Variants in LRRC45 observed in about 807,000 individuals in gnomAD.
The protein encoded by LRRC45 is leucine-rich repeat-containing protein 45.
Under a neutral mutation model 85.4 loss-of-function variants are expected in LRRC45, and 73 were observed. The observed-to-expected ratio is 0.85, with a 90% confidence interval of 0.71 to 1.04. LRRC45 has a LOEUF of 1.04. LRRC45 is among the 50% of genes least tolerant of loss of function. LRRC45 has a pLI of 0.00. For synonymous variants in LRRC45, 429 were observed against 386.0 expected (o/e 1.11, Z -1.31); for missense variants, 937 against 883.3 (o/e 1.06, Z -0.77).
intron 9 of LRRC45, 37 bp downstream of exon 9, chr17:82,028,183 G>A (rs770489710): frequency 6.4e-7 from 1 of 1,560,026 alleles, no homozygotes; most frequent in South Asian, 1.2e-5. Context: ...GGGCCAAGGG[G>A]TGCGTGGCGG....
At chr17:82,023,944 T>A in intron 1 of LRRC45, 81 bp downstream of exon 1, 1 of 1,297,754 alleles carries the variant, frequency 7.7e-7, no homozygotes, top group Non-Finnish European at 1.1e-6. Flanking sequence ...TCGCTTCCTC[T>A]CCAGGCTCTC....
Position 82,023,469 on chromosome 17 carries a change from G to A in LRRC45, c.-175G>A, listed in dbSNP as rs957038659. The A allele has an allele frequency of 1.7e-6, 1 of 595,186 alleles. No individual in the cohort carries two copies. Among genetic ancestry groups the A allele is most frequent in the Non-Finnish European group, 2.9e-6 (1 of 346,916 alleles). The allele number at this position is 595,186 out of a possible 1,614,324, so 36.9% of individuals were successfully genotyped here. A position where few individuals can be genotyped will look rare whatever the true frequency, so the allele number is the denominator to read the frequency against. The stretch of plus-strand genomic sequence containing the variant: ...CAGCCCAAAGCGGACCTTGACTACC[G>A]CCCAGCCCCGCGCTCCCAGGACCTC... On this transcript the variant is annotated 5_prime_UTR_variant, in exon 1 of 17. Coordinates refer to ENST00000306688, the MANE Select transcript of LRRC45 (RefSeq NM_144999.4).
chr17:82,025,492 G>A lies in LRRC45; in HGVS notation c.646G>A (p.Val216Ile), dbSNP rs751519095. 11 of 1,606,386 alleles carry A rather than the reference G, an allele frequency of 6.8e-6. No homozygotes were observed. Among genetic ancestry groups the A allele is most frequent in the Middle Eastern group, 1.6e-4 (1 of 6,066 alleles). ...GGCTGGGAACAACATCCCTGGAGAC[G>A]TCCTCAGAGCCGTGGGTACGGTGCA... The part of the protein sequence containing the change: ...DLAGNNIPGD[V>I]LRAVEQAMGH... Residue 216 changes from valine (V) to isoleucine (I), a missense_variant, in exon 5 of 17, where the codon GTC (valine) becomes ATC (isoleucine). Coordinates refer to ENST00000306688, the MANE Select transcript of LRRC45 (RefSeq NM_144999.4).
In LRRC45 at chr17:82,024,271, T is replaced by C. The variant is rs1333211569; in HGVS notation, c.221-7T>C. ...GCAGAGAGTGACCGCCGGCCCCCCT[T>C]ACACAGGGGCCACACTGCTGCTCCG... On this transcript the variant is annotated splice_region_variant and splice_polypyrimidine_tract_variant and intron_variant, in intron 1 of 16. Coordinates refer to ENST00000306688, the MANE Select transcript of LRRC45 (RefSeq NM_144999.4). 1 of 1,611,616 alleles carries C rather than the reference T, an allele frequency of 6.2e-7. No homozygotes were observed.
chr17:82,024,664 G>C, intron 2 of LRRC45, 29 bp from the exon 3 acceptor site: 1 of 1,563,036 alleles, frequency 6.4e-7, no homozygotes, highest in Non-Finnish European at 8.6e-7. Flanking sequence ...CAGGGCACGC[G>C]AGTGACTACC....
At position 82,027,438 on chromosome 17, in the gene LRRC45, G is replaced by A; in HGVS notation, c.827G>A (p.Ser276Asn). 2 of 1,612,740 alleles carry A rather than the reference G, an allele frequency of 1.2e-6. No individual in the cohort carries two copies. The highest frequency in any genetic ancestry group is 1.7e-6 in the Non-Finnish European group (2 of 1,179,970). Reference sequence around the variant, plus strand: ...AAGCAGCGAGAAGAGATGGCCAAGAGCAGCAGGTGAGCGGGCCCAGGGCAG... The same window carrying A: ...AAGCAGCGAGAAGAGATGGCCAAGAACAGCAGGTGAGCGGGCCCAGGGCAG... ...IDKQREEMAK[S>N]SRASAARVGQ... Residue 276 changes from serine (S) to asparagine (N), a missense_variant, in exon 7 of 17, where the codon AGC becomes AAC. Physicochemically the swap from Ser to Asn is conservative, Grantham distance 46 (BLOSUM62 1). Coordinates refer to ENST00000306688, the MANE Select transcript of LRRC45 (RefSeq NM_144999.4).
Position 82,023,536 on chromosome 17 carries a change from G to A in LRRC45, c.-108G>A. On this transcript the variant is annotated 5_prime_UTR_variant, in exon 1 of 17. Transcript: ENST00000306688. ...CTCGGATTGCTCTCCGCCCGGGTCG[G>A]CGGAGGCCCCGTCTCCTGTACCCGG... is the stretch of plus-strand genomic sequence containing the variant. The A allele has an allele frequency of 9.8e-7, 1 of 1,021,638 alleles. No individual in the cohort carries two copies. The highest frequency in any genetic ancestry group is 1.4e-6 in the Non-Finnish European group (1 of 731,276). The allele number at this position is 1,021,638 out of a possible 1,614,324, so 63.3% of individuals were successfully genotyped here. A position where few individuals can be genotyped will look rare whatever the true frequency, so the allele number is the denominator to read the frequency against.
chr17:82,030,264 C>G (rs966623730), intron 15 of LRRC45, 26 bp downstream of exon 15: 2 of 1,535,332 alleles, frequency 1.3e-6, no homozygotes, highest in Non-Finnish European at 1.8e-6. Context: ...GTGGGGGGCC[C>G]CGGGCGTGCT....
At chr17:82,028,798 G>A in intron 12 of LRRC45, 115 bp downstream of exon 12, 1 of 1,234,280 alleles carries the variant, frequency 8.1e-7, no homozygotes, top group Non-Finnish European at 1.1e-6. Context: ...GTCACTGGGT[G>A]GCCGTATTTT....
Position 82,028,596 on chromosome 17 carries a change from C to T in LRRC45, c.1238-17C>T. On this transcript the variant is annotated splice_polypyrimidine_tract_variant and intron_variant, in intron 11 of 16. Transcript: ENST00000306688. ...CAGGGGATGCTCACGCATACTCTGC[C>T]CACCCTGGGCTTCCAGAGCGCCTGG... 2 of 1,612,694 alleles carry T rather than the reference C, an allele frequency of 1.2e-6. No homozygotes were observed. The highest frequency in any genetic ancestry group is 1.7e-6 in the Non-Finnish European group (2 of 1,179,914).
chr17:82,030,308 G>C lies in LRRC45; in HGVS notation c.1669-11G>C, dbSNP rs745548815. 5.2e-6 allele frequency: 8 copies of C among 1,547,582 alleles called. No homozygotes were observed. In the South Asian group the frequency reaches 9.5e-5, roughly 18 times the overall value. ...ACCCTCGCCTCACTCCCCAGCCTTCGTGCCTGGCAGGAGCTGAGCCTCAAG... is the reference window on the plus strand; with the variant it reads ...ACCCTCGCCTCACTCCCCAGCCTTCCTGCCTGGCAGGAGCTGAGCCTCAAG... On this transcript the variant is annotated splice_polypyrimidine_tract_variant and intron_variant, in intron 15 of 16. Coordinates refer to ENST00000306688, the MANE Select transcript of LRRC45 (RefSeq NM_144999.4).
intron 5 of LRRC45, 133 bp downstream of exon 5, chr17:82,025,640 C>T (rs1465556691): frequency 1.1e-5 from 13 of 1,191,040 alleles, no homozygotes; most frequent in East Asian, 2.8e-5. Flanking sequence ...CAGGAAGGAG[C>T]GGAGGGGTCG....
rs117200853 is a variant in LRRC45, at chr17:82,025,491, C to T, written c.645C>T (p.Asp215=). The change falls in exon 5 of 17, where the codon GAC becomes GAT. Residue 215 remains aspartate (D), a synonymous_variant. Transcript: ENST00000306688. ...TGGCTGGGAACAACATCCCTGGAGA[C>T]GTCCTCAGAGCCGTGGGTACGGTGC... ...LDLAGNNIPG[D]VLRAVEQAMG... 1.5e-3 allele frequency: 2,369 copies of T among 1,606,272 alleles called. 38 individuals carry two copies. The East Asian group carries it at 0.034, about 23-fold the overall frequency.
rs1159283425 is a variant in LRRC45 at position 82,023,349 on chromosome 17, G to C, written c.-295G>C. ...GCCCCGACGCGGCTGTCGCGAGGGC[G>C]GGGGTCGGGGCTGCAGGCGGGGCAG... is the stretch of plus-strand genomic sequence containing the variant. On this transcript the variant is annotated 5_prime_UTR_variant, in exon 1 of 17. Transcript: ENST00000306688. The C allele has an allele frequency of 4.3e-6, 2 of 468,716 alleles. No homozygotes were observed. The highest frequency in any genetic ancestry group is 7.5e-6 in the Non-Finnish European group (2 of 265,984). The allele number at this position is 468,716 out of a possible 1,614,324, so 29.0% of individuals were successfully genotyped here.
intron 5 of LRRC45, among the ~76,000 whole-genome samples, chr17:82,026,222 G>C (rs1381946686): frequency 6.6e-6 from 1 of 152,198 alleles, no homozygotes; most frequent in African/African-American, 2.4e-5. Flanking sequence ...GATCTTTCCA[G>C]AACTGAGCTG....
In LRRC45 at chr17:82,030,910, C is replaced by T; in HGVS notation, c.*105C>T. ...GCCGCCTCTTTGAGACCCGGGTCGT[C>T]TGTTCCACGCGGCGGTTGCGGCGAC... On this transcript the variant is annotated 3_prime_UTR_variant, in exon 17 of 17. Transcript: ENST00000306688. 2.3e-6 allele frequency: 2 copies of T among 880,430 alleles called. No individual in the cohort carries two copies. The highest frequency in any genetic ancestry group is 5.3e-5 in the South Asian group (1 of 18,734). The allele number at this position is 880,430 out of a possible 1,614,324, so 54.5% of individuals were successfully genotyped here. A position where few individuals can be genotyped will look rare whatever the true frequency, so the allele number is the denominator to read the frequency against.
At chr17:82,023,923 G>T in intron 1 of LRRC45, 60 bp downstream of exon 1, 15 of 1,458,308 alleles carry the variant, frequency 1.0e-5, no homozygotes, top group Non-Finnish European at 1.4e-5. Context: ...CATTGCCTCG[G>T]CAGCCCGAGG....
chr17:82,028,837 A>C, intron 12 of LRRC45, 154 bp downstream of exon 12: 1 of 911,046 alleles, frequency 1.1e-6, no homozygotes. Flanking sequence ...CAGACCCAGA[A>C]CCTCCTATTG....
Position 82,030,889 on chromosome 17 carries a change from CCT to C in LRRC45, c.*87_*88del. On this transcript the variant is annotated 3_prime_UTR_variant, in exon 17 of 17. Transcript: ENST00000306688. ...CAGGGGCTGCGTCCCGCCCGCGCCG[CCT>C]CTTTGAGACCCGGGTCGTCTGTTCC... The C allele has an allele frequency of 9.4e-7, 1 of 1,061,320 alleles. No individual in the cohort carries two copies. Among genetic ancestry groups the C allele is most frequent in the Non-Finnish European group, 1.2e-6 (1 of 812,522 alleles). The allele number at this position is 1,061,320 out of a possible 1,614,324, so 65.7% of individuals were successfully genotyped here. A position where few individuals can be genotyped will look rare whatever the true frequency, so the allele number is the denominator to read the frequency against.
Sources: gnomAD v4.1 joint callset for allele counts (sites outside exome capture counted in the v4.1 genomes callset) on GRCh38, gnomAD v4.1.1 for gene constraint, MANE v1.5 for transcripts, NCBI Gene and HGNC (gene_info 2026-07-23, HGNC 2026-07-21) for gene names.